The following CNTN4 variants were observed in gnomAD, a reference collection of about 807,000 sequenced individuals.
CNTN4 encodes contactin 4, also known as contactin-4.
A neutral mutation model predicts 122.5 loss-of-function variants in CNTN4; 77 were observed. The ratio of observed to expected loss-of-function variants is 0.63; its 90% CI spans 0.52 to 0.76. The LOEUF (loss-of-function observed/expected upper bound fraction) is 0.76. Ranked by LOEUF, CNTN4 falls within the 30% of genes least tolerant of loss-of-function variation. CNTN4 has a pLI of 0.00. For missense variants in CNTN4, 1,256 were observed against 1,259.1 expected (o/e 1.00, Z 0.04); for synonymous variants, 512 against 447.0 (o/e 1.15, Z -1.83).
chr3:2,674,787 A>C (rs956040029), intron 4 of CNTN4, among the ~76,000 whole-genome samples: 7 of 152,062 alleles, frequency 4.6e-5, no homozygotes, highest in East Asian at 1.9e-4. Context: ...AAACAAAAAA[A>C]AAAAAAACCA....
At chr3:2,484,233 G>GA (rs2076083505) in intron 3 of CNTN4, among the ~76,000 whole-genome samples, 1 of 152,088 alleles carries the variant, frequency 6.6e-6, no homozygotes, top group South Asian at 2.1e-4. Context: ...TCAGAGAAAT[G>GA]AAAATAACTA....
intron 2 of CNTN4, among the ~76,000 whole-genome samples, chr3:2,260,157 A>G (rs542870323): frequency 6.6e-6 from 1 of 152,166 alleles, no homozygotes; most frequent in East Asian, 1.9e-4. Flanking sequence ...TCTACCACAT[A>G]ATGTAGCTGT....
chr3:2,762,043 C>A (rs1375841787), intron 6 of CNTN4, among the ~76,000 whole-genome samples: 1 of 152,120 alleles, frequency 6.6e-6, no homozygotes, highest in African/African-American at 2.4e-5. Context: ...CATCAATGAA[C>A]TAGACAGATA....
Position 3,043,063 on chromosome 3 carries a change from CT to C in CNTN4, c.2600del (p.Leu867Ter). 1 of 1,614,160 alleles carries C rather than the reference CT, an allele frequency of 6.2e-7. No homozygotes were observed. The highest frequency in any genetic ancestry group is 8.5e-7 in the Non-Finnish European group (1 of 1,180,006). Reference sequence around the variant, plus strand: ...ATCAGACATCAACAAAAATCACGAACTTAAAAGGCAGTGTGCTGTATCACTT... The same window carrying C: ...ATCAGACATCAACAAAAATCACGAACTAAAAGGCAGTGTGCTGTATCACTT... ...GNQTSTKITN[L>X]KGSVLYHLAV... On this transcript the variant is annotated frameshift_variant, in exon 22 of 25. Transcript: ENST00000418658. LOFTEE classifies it high-confidence loss of function.
chr3:2,592,345 G>A (rs1258334985), intron 4 of CNTN4, among the ~76,000 whole-genome samples: 3 of 152,142 alleles, frequency 2.0e-5, no homozygotes, highest in Non-Finnish European at 4.4e-5. Context: ...GAAAAGTTAG[G>A]AAAAGACAAA....
chr3:2,729,634 G>A (rs965771985), intron 4 of CNTN4, among the ~76,000 whole-genome samples: 3 of 151,780 alleles, frequency 2.0e-5, no homozygotes, highest in Non-Finnish European at 4.4e-5. Flanking sequence ...GAATGCATAG[G>A]CCAGGAGCAG....
chr3:2,753,570 C>G (rs1301247654), intron 6 of CNTN4, among the ~76,000 whole-genome samples: 2 of 152,128 alleles, frequency 1.3e-5, no homozygotes, highest in Admixed American at 6.5e-5. Flanking sequence ...GCATAGGAAC[C>G]TGGTCACCTG....
intron 4 of CNTN4, among the ~76,000 whole-genome samples, chr3:2,674,742 G>T (rs541463813): frequency 6.6e-6 from 1 of 150,504 alleles, no homozygotes; most frequent in Non-Finnish European, 1.5e-5. Context: ...TGGGTGACAG[G>T]ATGAGACTTC....
At chr3:2,927,770 C>G (rs2094486653) in intron 13 of CNTN4, 1 of 152,740 alleles carries the variant, frequency 6.5e-6, no homozygotes. Context: ...TATGCTTCAA[C>G]ATTTATTTTG....
intron 13 of CNTN4, among the ~76,000 whole-genome samples, chr3:2,945,338 T>C (rs1364822212): frequency 3.3e-5 from 5 of 152,194 alleles, no homozygotes; most frequent in African/African-American, 1.2e-4. Context: ...TAAGTTGTAA[T>C]TGATTCTTTC....
rs540516550 is a variant in CNTN4 at position 2,142,803 on chromosome 3, A to T, written c.-145+42164A>T. 2.6e-5 allele frequency among the ~76,000 whole-genome samples: 4 copies of T among 152,360 alleles called. No individual in the cohort carries two copies. The South Asian group carries it at 8.3e-4, about 32-fold the overall frequency. ...CAGAGAAGGAGAAGGACTTCATAGA[A>T]ACTACGGCTGCTTTCAGGCATATAA... On this transcript the variant is annotated intron_variant, in intron 2 of 24. Transcript: ENST00000418658.
chr3:2,552,738 C>T (rs1328044286), intron 3 of CNTN4, among the ~76,000 whole-genome samples: 1 of 152,046 alleles, frequency 6.6e-6, no homozygotes, highest in Non-Finnish European at 1.5e-5. Flanking sequence ...ACTGTCAAAA[C>T]AAAGCTATGC....
intron 2 of CNTN4, among the ~76,000 whole-genome samples, chr3:2,203,089 C>T (rs2149397798): frequency 6.6e-6 from 1 of 152,090 alleles, no homozygotes; most frequent in Middle Eastern, 3.4e-3. Context: ...CCGCCTCAGC[C>T]TCCGAAAGTG....
chr3:2,232,796 T>C (rs2039539954), intron 2 of CNTN4, among the ~76,000 whole-genome samples: 2 of 152,196 alleles, frequency 1.3e-5, no homozygotes, highest in Non-Finnish European at 2.9e-5. Flanking sequence ...ATCAAGTTTT[T>C]TTCTTAGCTC....
At chr3:2,213,351 T>C (rs1407805026) in intron 2 of CNTN4, among the ~76,000 whole-genome samples, 1 of 152,202 alleles carries the variant, frequency 6.6e-6, no homozygotes, top group Non-Finnish European at 1.5e-5. Context: ...TGTCATAGGC[T>C]TCAGGCTTCA....
intron 2 of CNTN4, among the ~76,000 whole-genome samples, chr3:2,243,766 CTT>C (rs745467975): frequency 2.0e-5 from 3 of 151,938 alleles, no homozygotes; most frequent in Non-Finnish European, 4.4e-5. Context: ...TCCTTGAAAC[CTT>C]TAGTATTTTA....
chr3:2,255,435 C>T (rs577868068), intron 2 of CNTN4, among the ~76,000 whole-genome samples: 2 of 152,310 alleles, frequency 1.3e-5, no homozygotes, highest in East Asian at 3.9e-4. Flanking sequence ...CCATGTGGAT[C>T]TAATAGACAT....
At chr3:2,275,931 A>AC (rs1246830721) in intron 2 of CNTN4, among the ~76,000 whole-genome samples, 2 of 101,200 alleles carry the variant, frequency 2.0e-5, no homozygotes, top group South Asian at 3.9e-4. Context: ...AAAAAAAAAA[A>AC]AAAAAACAAA....
At chr3:2,546,579 C>G (rs899038719) in intron 3 of CNTN4, among the ~76,000 whole-genome samples, 10 of 151,972 alleles carry the variant, frequency 6.6e-5, no homozygotes, top group African/African-American at 2.4e-4. Flanking sequence ...AATCTGTACA[C>G]CAAACCTCCA....
Sources: gnomAD v4.1 joint callset for allele counts (sites outside exome capture counted in the v4.1 genomes callset) on GRCh38, gnomAD v4.1.1 for gene constraint, MANE v1.5 for transcripts, NCBI Gene and HGNC (gene_info 2026-07-23, HGNC 2026-07-21) for gene names.